The following HAUS7 variants were observed in gnomAD, a reference collection of about 807,000 sequenced individuals.
The protein encoded by HAUS7 is HAUS augmin-like complex subunit 7.
HAUS7 carries 3 observed loss-of-function variants against 28.4 expected under a neutral mutation model. The observed-to-expected ratio is 0.11, with a 90% confidence interval of 0.05 to 0.27. The LOEUF is 0.27. Among genes scored for constraint, HAUS7 ranks in the 10% least tolerant of loss-of-function variants. The pLI is 1.00. For synonymous variants in HAUS7, 165 were observed against 132.1 expected (o/e 1.25, Z -1.71); for missense variants, 284 against 297.3 (o/e 0.96, Z 0.33).
chrX:153,472,751 G>C (rs2089537485), upstream of HAUS7, among the ~76,000 whole-genome samples: 1 of 109,416 alleles, frequency 9.1e-6, no homozygotes, highest in African/African-American at 3.3e-5. Context: ...CCTACCATGG[G>C]GGAGGGAGGG....
upstream of HAUS7, chrX:153,470,939 G>C (rs1556985205): frequency 3.0e-6 from 1 of 338,441 alleles, no homozygotes; most frequent in Admixed American, 3.1e-5. Flanking sequence ...CGTCGCCCCT[G>C]CTGCCGGCCG....
intron 4 of HAUS7, 97 bp downstream of exon 4, chrX:153,462,513 G>A: frequency 1.4e-6 from 1 of 723,208 alleles, no homozygotes; most frequent in Non-Finnish European, 2.2e-6. Flanking sequence ...AGGCACTAGG[G>A]GAGGAAAATC....
intron 1 of HAUS7, chrX:153,481,032 T>C (rs1166761144): frequency 5.3e-6 from 4 of 749,836 alleles, no homozygotes; most frequent in Non-Finnish European, 6.3e-6. Context: ...ACAGGCGGCC[T>C]TCAGGTGGGG....
intron 9 of HAUS7, among the ~76,000 whole-genome samples, chrX:153,449,846 T>C (rs1292183812): frequency 8.9e-6 from 1 of 112,570 alleles, no homozygotes; most frequent in Non-Finnish European, 1.9e-5. Context: ...TGCTGATCTT[T>C]GTGCTGGTTT....
At chrX:153,461,354 T>C (rs1742127860) in intron 4 of HAUS7, among the ~76,000 whole-genome samples, 1 of 110,963 alleles carries the variant, frequency 9.0e-6, no homozygotes, top group African/African-American at 3.3e-5. Context: ...TCATGGACTG[T>C]GACAAAGGAG....
At chrX:153,458,174 T>C (rs1444190450) in intron 4 of HAUS7, among the ~76,000 whole-genome samples, 1 of 113,174 alleles carries the variant, frequency 8.8e-6, no homozygotes, top group African/African-American at 3.2e-5. Context: ...GCCAATAGCA[T>C]AGAGCCTGGG....
At chrX:153,477,553 CA>C (rs1303218276) in intron 1 of HAUS7, among the ~76,000 whole-genome samples, 1 of 112,907 alleles carries the variant, frequency 8.9e-6, no homozygotes, top group Non-Finnish European at 1.9e-5. Flanking sequence ...CTCTGTCTTG[CA>C]GGATCCTGGG....
chrX:153,456,106 G>A (rs782771221), intron 7 of HAUS7, among the ~76,000 whole-genome samples, 159 bp downstream of exon 7: 15 of 112,442 alleles, frequency 1.3e-4, no homozygotes, highest in Non-Finnish European at 1.9e-5. Flanking sequence ...CCAGCCACGG[G>A]ACCCACCTCT....
chrX:153,478,705 G>T (rs1218864281), intron 1 of HAUS7, among the ~76,000 whole-genome samples: 2 of 112,972 alleles, frequency 1.8e-5, no homozygotes, highest in Admixed American at 1.9e-4. Flanking sequence ...CAGCACTGGG[G>T]TCTCAGGCAC....
chrX:153,475,699 C>G (rs1242563999), intron 1 of HAUS7, among the ~76,000 whole-genome samples: 2 of 112,707 alleles, frequency 1.8e-5, no homozygotes, highest in African/African-American at 3.2e-5. Flanking sequence ...CGTTTTCACT[C>G]AGACAACATG....
intron 1 of HAUS7, among the ~76,000 whole-genome samples, chrX:153,493,736 G>A (rs782613610): frequency 9.0e-6 from 1 of 111,245 alleles, no homozygotes; most frequent in Non-Finnish European, 1.9e-5. Context: ...CAGGAAGGGG[G>A]TCTGTGCCCT....
intron 1 of HAUS7, chrX:153,479,299 G>A (rs911981531): frequency 5.4e-6 from 4 of 742,772 alleles, no homozygotes; most frequent in Non-Finnish European, 6.4e-6. Context: ...GGCACTGTGG[G>A]CGGGGAGCTG....
intron 4 of HAUS7, among the ~76,000 whole-genome samples, chrX:153,460,093 C>T (rs2089368615): frequency 8.9e-6 from 1 of 112,512 alleles, no homozygotes; most frequent in South Asian, 3.6e-4. Flanking sequence ...ATTGTTTATC[C>T]ATAACAAGGA....
At chrX:153,476,619 T>C (rs1276108441) in intron 1 of HAUS7, among the ~76,000 whole-genome samples, 1 of 112,069 alleles carries the variant, frequency 8.9e-6, no homozygotes, top group African/African-American at 3.2e-5. Flanking sequence ...TCTCAGATTC[T>C]AGAACTTTCT....
chrX:153,469,248 G>A lies in HAUS7; in HGVS notation c.122C>T (p.Pro41Leu). Residue 41 changes from proline to leucine, a missense_variant, in exon 2 of 10, where the codon CCC (proline) becomes CTC (leucine). Pro to Leu is a moderately conservative substitution (Grantham distance 98). Transcript: ENST00000370211. ...TGTGATATACAGACCCTCGAGGAAG[G>A]GGCAGTTTAGGTCCTAAGCAAGGAA... ...VFGKLKDLNC[P>L]FLEGLYITEP... 9.2e-7 allele frequency: 1 copy of A among 1,083,684 alleles called. No homozygotes were observed. Among genetic ancestry groups the A allele is most frequent in the African/African-American group, 1.8e-5 (1 of 55,568 alleles). 89.3% of individuals were successfully genotyped at this position (1,083,684 alleles called of 1,213,427 possible).
intron 1 of HAUS7, chrX:153,495,224 A>T (rs2089702355): frequency 9.0e-6 from 1 of 110,914 alleles, no homozygotes; most frequent in Non-Finnish European, 1.9e-5. Context: ...GAGGGTGTCC[A>T]CAGATTTCCC....
At chrX:153,464,017 C>T (rs997092891) in intron 3 of HAUS7, among the ~76,000 whole-genome samples, 1 of 112,879 alleles carries the variant, frequency 8.9e-6, no homozygotes, top group Non-Finnish European at 1.9e-5. Flanking sequence ...CCAGGAACAG[C>T]GCCTCGCATG....
At chrX:153,471,314 G>C (rs1253216580), upstream of HAUS7, among the ~76,000 whole-genome samples, 1 of 112,159 alleles carries the variant, frequency 8.9e-6, no homozygotes, top group African/African-American at 3.2e-5. Context: ...GGAATCCCTA[G>C]AACAGTGCCC....
intron 1 of HAUS7, chrX:153,486,848 C>T (rs2089642236): frequency 6.2e-6 from 6 of 966,458 alleles, no homozygotes; most frequent in Non-Finnish European, 8.1e-6. Flanking sequence ...CACTCTGCTT[C>T]TCGAGGGGGT....
Sources: gnomAD v4.1 joint callset for allele counts (sites outside exome capture counted in the v4.1 genomes callset) on GRCh38, gnomAD v4.1.1 for gene constraint, MANE v1.5 for transcripts, NCBI Gene and HGNC (gene_info 2026-07-23, HGNC 2026-07-21) for gene names.